The following AKT3 variants were observed in gnomAD, a reference collection of about 807,000 sequenced individuals.
The protein encoded by AKT3 is AKT serine/threonine kinase 3.
AKT3 carries 15 observed loss-of-function variants against 65.3 expected under a neutral mutation model. The observed-to-expected ratio is 0.23, with a 90% CI of 0.15 to 0.35. The LOEUF is 0.35. Ranked by LOEUF, AKT3 falls within the 10% of genes least tolerant of loss-of-function variation. AKT3 has a pLI of 1.00. For synonymous variants in AKT3, 206 were observed against 183.8 expected (o/e 1.12, Z -0.98); for missense variants, 243 against 576.5 (o/e 0.42, Z 5.92).
intron 2 of AKT3, among the ~76,000 whole-genome samples, chr1:243,755,514 T>C (rs1689079796): frequency 6.6e-6 from 1 of 152,186 alleles, no homozygotes; most frequent in South Asian, 2.1e-4. Context: ...AGTATACTGA[T>C]AGATTCACTG....
Position 243,502,172 on chromosome 1 carries a change from G to A in AKT3, c.*3077C>T, listed in dbSNP as rs1285803641. 4.3e-6 allele frequency: 1 copy of A among 231,796 alleles called. No individual in the cohort carries two copies. Among genetic ancestry groups the A allele is most frequent in the Non-Finnish European group, 8.5e-6 (1 of 117,234 alleles). 14.4% of individuals were successfully genotyped at this position (231,796 alleles called of 1,614,324 possible). The stretch of plus-strand genomic sequence containing the variant: ...TAATGCACTACCAGGAGCAAGATAA[G>A]GAAATTCTACTGTAGACAGTACAAA... On this transcript the variant is annotated 3_prime_UTR_variant, in exon 14 of 14. Transcript: ENST00000673466.
At chr1:243,642,499 C>G (rs181609488) in intron 5 of AKT3, among the ~76,000 whole-genome samples, 1 of 152,034 alleles carries the variant, frequency 6.6e-6, no homozygotes, top group South Asian at 2.1e-4. Flanking sequence ...TTAGTAGAGA[C>G]GGGGTTTCAC....
At chr1:243,690,912 A>C (rs1684648315) in intron 3 of AKT3, among the ~76,000 whole-genome samples, 1 of 152,214 alleles carries the variant, frequency 6.6e-6, no homozygotes, top group Admixed American at 6.5e-5. Flanking sequence ...GTTCACTTAA[A>C]AAGTTAAGTC....
intron 5 of AKT3, among the ~76,000 whole-genome samples, chr1:243,643,091 T>C (rs540011857): frequency 9.2e-5 from 14 of 152,284 alleles, no homozygotes; most frequent in African/African-American, 3.4e-4. Flanking sequence ...AACTTCTACA[T>C]TGGTTACGTC....
chr1:243,791,534 T>C (rs772353923), intron 2 of AKT3, among the ~76,000 whole-genome samples: 2 of 152,222 alleles, frequency 1.3e-5, no homozygotes, highest in South Asian at 4.1e-4. Flanking sequence ...AAAATGGTTT[T>C]GTAAAAACTG....
In AKT3 at chr1:243,664,787, T is replaced by G; in HGVS notation, c.269A>C (p.Asp90Ala). ...AATTTCTTACCTTTCCTCTGGAGTA[T>G]CTACATGAAATGTTCTCTCTATAAC... ...TTVIERTFHV[D>A]TPEEREEWTE... Residue 90 changes from aspartate (D) to alanine (A), a missense_variant, in exon 4 of 14, where the codon GAT (aspartate) becomes GCT (alanine). Asp to Ala is a moderately radical substitution (Grantham distance 126). Coordinates refer to ENST00000673466, the MANE Select transcript of AKT3 (RefSeq NM_005465.7). The G allele has an allele frequency of 6.6e-7, 1 of 1,524,826 alleles. No individual in the cohort carries two copies. Among genetic ancestry groups the G allele is most frequent in the Non-Finnish European group, 8.8e-7 (1 of 1,137,196 alleles). The allele number at this position is 1,524,826 out of a possible 1,614,324, so 94.5% of individuals were successfully genotyped here.
intron 13 of AKT3, among the ~76,000 whole-genome samples, chr1:243,490,281 C>T (rs1230062448): frequency 2.6e-5 from 4 of 152,240 alleles, no homozygotes; most frequent in Non-Finnish European, 2.9e-5. Flanking sequence ...GGAAATGCCT[C>T]TACTGTCCCC....
intron 10 of AKT3, among the ~76,000 whole-genome samples, chr1:243,559,913 G>A (rs930370990): frequency 6.6e-6 from 1 of 152,100 alleles, no homozygotes; most frequent in African/African-American, 2.4e-5. Context: ...AAAAAAGTGC[G>A]AGACACCATC....
intron 2 of AKT3, among the ~76,000 whole-genome samples, chr1:243,751,190 T>C (rs566156575): frequency 8.5e-5 from 13 of 152,100 alleles, no homozygotes; most frequent in Non-Finnish European, 1.8e-4. Flanking sequence ...TCTGGAAAAT[T>C]AGCAGCAAAG....
intron 4 of AKT3, among the ~76,000 whole-genome samples, chr1:243,653,104 C>T (rs1047477340): frequency 7.9e-5 from 12 of 151,674 alleles, no homozygotes; most frequent in Admixed American, 4.6e-4. Context: ...AGACCTCTAG[C>T]CAGACTAATA....
chr1:243,553,031 G>T, intron 10 of AKT3, 88 bp from the exon 11 acceptor site: 1 of 1,080,458 alleles, frequency 9.3e-7, no homozygotes, highest in South Asian at 1.8e-5. Flanking sequence ...ACATAAAAAT[G>T]AATCTTAACT....
chr1:243,492,782 T>C (rs549158734), intron 13 of AKT3, among the ~76,000 whole-genome samples: 7 of 151,722 alleles, frequency 4.6e-5, no homozygotes, highest in African/African-American at 1.7e-4. Flanking sequence ...TAATTTTGTA[T>C]TTTTAGTAGA....
rs2148339735 is a variant in AKT3 at position 243,502,524 on chromosome 1, T to C, written c.*2725A>G. 8.6e-6 allele frequency: 2 copies of C among 233,248 alleles called. No homozygotes were observed. Among genetic ancestry groups the C allele is most frequent in the Non-Finnish European group, 1.7e-5 (2 of 118,016 alleles). 14.4% of individuals were successfully genotyped at this position (233,248 alleles called of 1,614,324 possible). On this transcript the variant is annotated 3_prime_UTR_variant, in exon 14 of 14. Transcript: ENST00000673466. The stretch of plus-strand genomic sequence containing the variant: ...CTGCAAAGTCTGAACTGTATTCTCA[T>C]AGAATGATTCCAGGTTTCAGGGTGT...
intron 2 of AKT3, among the ~76,000 whole-genome samples, chr1:243,772,327 TCAAA>T (rs1226281627): frequency 1.3e-5 from 2 of 151,394 alleles, no homozygotes; most frequent in Non-Finnish European, 2.9e-5. Flanking sequence ...TACAAAGAAC[TCAAA>T]CAAATTTACA....
chr1:243,685,141 A>C (rs1684198789), intron 3 of AKT3, among the ~76,000 whole-genome samples: 1 of 152,136 alleles, frequency 6.6e-6, no homozygotes, highest in Admixed American at 6.5e-5. Flanking sequence ...TGCTGTGCAG[A>C]ATCTCTTTAG....
At chr1:243,517,471 ATATTT>A (rs1670440797) in intron 12 of AKT3, among the ~76,000 whole-genome samples, 1 of 152,202 alleles carries the variant, frequency 6.6e-6, no homozygotes, top group Non-Finnish European at 1.5e-5. Flanking sequence ...TTTGCTTCAA[ATATTT>A]TGTTTTGTTA....
At chr1:243,578,911 T>C (rs2148519602) in intron 8 of AKT3, among the ~76,000 whole-genome samples, 1 of 152,238 alleles carries the variant, frequency 6.6e-6, no homozygotes, top group East Asian at 1.9e-4. Context: ...TACATAAACT[T>C]TTCTACTAAA....
intron 11 of AKT3, among the ~76,000 whole-genome samples, 153 bp downstream of exon 11, chr1:243,552,576 T>C (rs906858337): frequency 2.0e-5 from 3 of 152,196 alleles, no homozygotes; most frequent in Admixed American, 6.5e-5. Context: ...AAATGTTCTA[T>C]ATTATGCAGT....
At chr1:243,526,642 T>C (rs1325745736) in intron 12 of AKT3, among the ~76,000 whole-genome samples, 3 of 151,874 alleles carry the variant, frequency 2.0e-5, no homozygotes, top group Non-Finnish European at 4.4e-5. Flanking sequence ...GGAAGAAATA[T>C]TTAAATATGT....
Sources: gnomAD v4.1 joint callset for allele counts (sites outside exome capture counted in the v4.1 genomes callset) on GRCh38, gnomAD v4.1.1 for gene constraint, MANE v1.5 for transcripts, NCBI Gene and HGNC (gene_info 2026-07-23, HGNC 2026-07-21) for gene names.